BCAS3: variants seen among roughly 807,000 people sequenced by gnomAD.
BCAS3 encodes the protein BCAS3 microtubule associated cell migration factor.
In BCAS3, 53 loss-of-function variants were observed where a neutral mutation model predicts 116.1. That is an observed-to-expected ratio of 0.46 (90% CI 0.37 to 0.57). BCAS3 has a LOEUF of 0.57. Among genes scored for constraint, BCAS3 ranks in the 20% least tolerant of loss-of-function variants. BCAS3 has a pLI of 0.00. For missense variants in BCAS3, 917 were observed against 1,165.4 expected (o/e 0.79, Z 3.10); for synonymous variants, 391 against 408.2 (o/e 0.96, Z 0.51).
intron 5 of BCAS3, among the ~76,000 whole-genome samples, chr17:60,724,495 C>T (rs113604222): frequency 0.034 from 5,031 of 149,298 alleles, 231 homozygotes; most frequent in African/African-American, 0.1. Context: ...GAGGCGGAGG[C>T]GGTCTTATCA....
chr17:60,678,700 A>G (rs1378720899), intron 1 of BCAS3, among the ~76,000 whole-genome samples: 2 of 152,242 alleles, frequency 1.3e-5, no homozygotes, highest in African/African-American at 4.8e-5. Context: ...ATTTACTCAT[A>G]GATTCCCAAC....
intron 22 of BCAS3, among the ~76,000 whole-genome samples, chr17:61,194,493 C>T (rs1184293942): frequency 6.6e-6 from 1 of 152,112 alleles, no homozygotes; most frequent in Non-Finnish European, 1.5e-5. Context: ...TAATCTAGCA[C>T]TTTGGGAGGC....
intron 5 of BCAS3, among the ~76,000 whole-genome samples, chr17:60,729,690 A>G (rs1229021354): frequency 6.6e-6 from 1 of 152,254 alleles, no homozygotes; most frequent in Non-Finnish European, 1.5e-5. Context: ...TAGGTTTACA[A>G]TACCATTAAA....
At chr17:60,691,060 G>A (rs1162036105) in intron 4 of BCAS3, among the ~76,000 whole-genome samples, 6 of 152,094 alleles carry the variant, frequency 3.9e-5, no homozygotes, top group Non-Finnish European at 7.4e-5. Flanking sequence ...AGCCCCCTGA[G>A]TAGCTGGGAT....
At chr17:60,765,989 C>T (rs984695277) in intron 6 of BCAS3, among the ~76,000 whole-genome samples, 1 of 152,210 alleles carries the variant, frequency 6.6e-6, no homozygotes, top group Non-Finnish European at 1.5e-5. Flanking sequence ...GCTACTGAAG[C>T]ATGTGCATGT....
At chr17:61,373,804 C>CTTTTTTTTTTTTTTT (rs201141656) in intron 23 of BCAS3, among the ~76,000 whole-genome samples, 1 of 76,084 alleles carries the variant, frequency 1.3e-5, no homozygotes, top group Non-Finnish European at 2.7e-5. Context: ...TCTTCTTCTT[C>CTTTTTTTTTTTTTTT]TTTGTTTTTT....
intron 5 of BCAS3, chr17:60,727,269 C>T (rs2039979187): frequency 4.6e-6 from 5 of 1,075,518 alleles, no homozygotes; most frequent in Non-Finnish European, 7.2e-6. Flanking sequence ...TTAGGCTCAA[C>T]ACATTCTGGC....
At position 61,239,657 on chromosome 17, in the gene BCAS3, T is replaced by C. The variant is rs1683363552; in HGVS notation, c.2426-128670T>C. On this transcript the variant is annotated intron_variant, in intron 22 of 23. Coordinates refer to ENST00000407086, the MANE Select transcript of BCAS3 (RefSeq NM_017679.5). The surrounding 1 kb of genome is among the most constrained non-coding windows in gnomAD (Gnocchi z 4.2). ...TAACATGCAACTGTTAAGATCTAGA[T>C]CATGCTAAAAGTATTAAAGTTGGCT... Among the ~76,000 whole-genome samples the C allele has an allele frequency of 6.6e-6, 1 of 152,238 alleles. No homozygotes were observed. Among genetic ancestry groups the C allele is most frequent in the South Asian group, 2.1e-4 (1 of 4,838 alleles).
At chr17:61,121,494 A>C (rs991365587) in intron 22 of BCAS3, among the ~76,000 whole-genome samples, 3 of 152,152 alleles carry the variant, frequency 2.0e-5, no homozygotes, top group Non-Finnish European at 1.5e-5. Flanking sequence ...TTGCATTTTA[A>C]TGAACTTAGA....
intron 9 of BCAS3, among the ~76,000 whole-genome samples, chr17:60,881,923 C>A (rs2056199885): frequency 6.7e-6 from 1 of 149,518 alleles, no homozygotes; most frequent in Admixed American, 6.6e-5. Flanking sequence ...GTCTTTATAG[C>A]AGCATGATTT....
At chr17:60,986,286 A>G (rs375820985) in intron 14 of BCAS3, among the ~76,000 whole-genome samples, 8 of 152,316 alleles carry the variant, frequency 5.3e-5, no homozygotes, top group East Asian at 1.9e-4. Context: ...ATTGTGAATA[A>G]TGCTGCAATA....
chr17:61,101,851 T>C (rs894588115), intron 22 of BCAS3, among the ~76,000 whole-genome samples: 1 of 152,154 alleles, frequency 6.6e-6, no homozygotes, highest in Admixed American at 6.5e-5. Flanking sequence ...CATTAATGCA[T>C]GGGGACTGCA....
intron 22 of BCAS3, among the ~76,000 whole-genome samples, chr17:61,172,529 C>T (rs548785939): frequency 6.6e-6 from 1 of 151,652 alleles, no homozygotes; most frequent in African/African-American, 2.4e-5. Context: ...CCTAGCTACT[C>T]GGGAGGCTGA....
At position 61,326,467 on chromosome 17, in the gene BCAS3, T is replaced by C. The variant is rs2055739297; in HGVS notation, c.2426-41860T>C. 6.6e-6 allele frequency among the ~76,000 whole-genome samples: 1 copy of C among 152,206 alleles called. No individual in the cohort carries two copies. The highest frequency in any genetic ancestry group is 1.9e-4 in the East Asian group (1 of 5,194). ...AGAGGGTGAGTTTTGAAAAGATCAC[T>C]CTGACCTTACTGTGGAAGACAGGAG... On this transcript the variant is annotated intron_variant, in intron 22 of 23. Transcript: ENST00000407086. The surrounding 1 kb of genome is among the most constrained non-coding windows in gnomAD (Gnocchi z 5.3).
intron 15 of BCAS3, among the ~76,000 whole-genome samples, chr17:61,005,291 CTT>C (rs1040155545): frequency 1.3e-5 from 2 of 150,534 alleles, no homozygotes; most frequent in African/African-American, 4.9e-5. Flanking sequence ...TTTTCTTTTT[CTT>C]TTTTTTTGGT....
In BCAS3 at chr17:61,144,010, C is replaced by T. The variant is rs760898864; in HGVS notation, c.2425+59446C>T. Among the ~76,000 whole-genome samples the T allele has an allele frequency of 3.3e-5, 5 of 152,118 alleles. No individual in the cohort carries two copies. The highest frequency in any genetic ancestry group is 7.4e-5 in the Non-Finnish European group (5 of 68,024). On this transcript the variant is annotated intron_variant, in intron 22 of 23. Transcript: ENST00000407086. This position sits in a 1 kb window ranked among gnomAD's most constrained non-coding sequence, Gnocchi z 5.0. ...TTTCTGAAATACTAAATTCCCATAACCTATGCAAATTACATTTTAGGCAAG... is the reference window on the plus strand; with the variant it reads ...TTTCTGAAATACTAAATTCCCATAATCTATGCAAATTACATTTTAGGCAAG...
intron 22 of BCAS3, among the ~76,000 whole-genome samples, chr17:61,170,481 A>G (rs970934249): frequency 6.6e-6 from 1 of 151,684 alleles, no homozygotes; most frequent in African/African-American, 2.4e-5. Context: ...TTTAGTAGAG[A>G]TGAGGTTTCA....
chr17:61,282,595 T>G lies in BCAS3; in HGVS notation c.2426-85732T>G, dbSNP rs1327001489. 1.3e-5 allele frequency among the ~76,000 whole-genome samples: 2 copies of G among 152,246 alleles called. No homozygotes were observed. Among genetic ancestry groups the G allele is most frequent in the Non-Finnish European group, 2.9e-5 (2 of 68,048 alleles). ...AGGGAGGCTCCAAGGACAAGTTGAA[T>G]GCCCAAGTTATAGAAAGTTATGTTT... is the stretch of plus-strand genomic sequence containing the variant. On this transcript the variant is annotated intron_variant, in intron 22 of 23. Transcript: ENST00000407086. The surrounding 1 kb of genome is among the most constrained non-coding windows in gnomAD (Gnocchi z 5.9).
At chr17:60,739,736 A>C (rs960501817) in intron 5 of BCAS3, among the ~76,000 whole-genome samples, 2 of 152,154 alleles carry the variant, frequency 1.3e-5, no homozygotes, top group African/African-American at 4.8e-5. Flanking sequence ...TTTTCCCTGT[A>C]GAACTTCTTT....
Sources: allele counts gnomAD v4.1 joint callset (sites outside exome capture counted in the v4.1 genomes callset), GRCh38; gene constraint gnomAD v4.1.1; non-coding constraint Gnocchi (gnomAD v3.1); transcripts MANE v1.5; gene names NCBI Gene and HGNC (gene_info 2026-07-23, HGNC 2026-07-21).